CADM2: variants seen among roughly 807,000 people sequenced by gnomAD.
CADM2 encodes immunoglobulin superfamily member 4D.
In CADM2, 12 loss-of-function variants were observed where a neutral mutation model predicts 49.8. The observed-to-expected ratio is 0.24, with a 90% CI of 0.15 to 0.39. CADM2 has a LOEUF of 0.39. CADM2 is among the 10% of genes least tolerant of loss of function. The pLI is 1.00. For missense variants in CADM2, 378 were observed against 492.3 expected, an observed-to-expected ratio of 0.77 and a Z score of 2.20; for synonymous variants, 214 against 175.4, an observed-to-expected ratio of 1.22 and a Z score of -1.74.
At chr3:85,117,095 C>T (rs1013546273) in intron 1 of CADM2, among the ~76,000 whole-genome samples, 3 of 152,018 alleles carry the variant, frequency 2.0e-5, no homozygotes, top group Non-Finnish European at 4.4e-5. Flanking sequence ...GTGGCACACG[C>T]CTGTAATCCC....
At chr3:85,406,739 C>T (rs1165301982) in intron 1 of CADM2, among the ~76,000 whole-genome samples, 1 of 152,038 alleles carries the variant, frequency 6.6e-6, no homozygotes, top group Non-Finnish European at 1.5e-5. Flanking sequence ...ACAAAACTTG[C>T]CAATTTCACC....
At chr3:85,465,191 A>G (rs2038436929) in intron 1 of CADM2, among the ~76,000 whole-genome samples, 2 of 152,086 alleles carry the variant, frequency 1.3e-5, no homozygotes, top group African/African-American at 4.8e-5. Flanking sequence ...AAACAAACAA[A>G]CAAAAAACAT....
At chr3:85,009,187 A>G (rs1386083707) in intron 1 of CADM2, among the ~76,000 whole-genome samples, 4 of 152,206 alleles carry the variant, frequency 2.6e-5, no homozygotes, top group Non-Finnish European at 4.4e-5. Flanking sequence ...CTTCTAGCAT[A>G]TGATGCTTGT....
intron 1 of CADM2, among the ~76,000 whole-genome samples, chr3:85,306,260 T>C (rs2044210144): frequency 6.6e-6 from 1 of 151,716 alleles, no homozygotes; most frequent in African/African-American, 2.4e-5. Context: ...GATTTAGTCC[T>C]GCTTTAAATA....
chr3:85,560,210 GAGGGGATTACAGTT>G (rs1488299392), intron 1 of CADM2, among the ~76,000 whole-genome samples: 1 of 152,188 alleles, frequency 6.6e-6, no homozygotes, highest in Non-Finnish European at 1.5e-5. Flanking sequence ...GGTGAACCAT[GAGGGGATTACAGTT>G]TTATCAACAG....
intron 1 of CADM2, among the ~76,000 whole-genome samples, chr3:85,027,331 G>T (rs2034781067): frequency 6.6e-6 from 1 of 151,634 alleles, no homozygotes. Context: ...AGCCAGGATG[G>T]TCTCAATCTC....
chr3:85,513,191 A>G (rs550579295), intron 1 of CADM2, among the ~76,000 whole-genome samples: 1 of 152,162 alleles, frequency 6.6e-6, no homozygotes, highest in South Asian at 2.1e-4. Flanking sequence ...TCTATCCAGT[A>G]TAGGCAGGCA....
rs184061180 is a variant in CADM2 at position 85,215,553 on chromosome 3, G to T, written c.61+255885G>T. Among the ~76,000 whole-genome samples the T allele has an allele frequency of 1.8e-3, 271 of 151,908 alleles. 1 individual carries two copies. Among genetic ancestry groups the T allele is most frequent in the African/African-American group, 6.3e-3 (260 of 41,430 alleles). On this transcript the variant is annotated intron_variant, in intron 1 of 9. Transcript: ENST00000383699. ...TGTGTTTTCTGGGGTTGGCGGAGAG[G>T]TAACACAAGCACTCCCTTAACCACC...
intron 1 of CADM2, among the ~76,000 whole-genome samples, chr3:85,402,160 T>A (rs1156614130): frequency 6.6e-6 from 1 of 152,028 alleles, no homozygotes; most frequent in African/African-American, 2.4e-5. Context: ...TTTACATAGA[T>A]TTAAAACAAT....
intron 1 of CADM2, among the ~76,000 whole-genome samples, chr3:85,003,037 C>A (rs1474630830): frequency 6.6e-6 from 1 of 152,118 alleles, no homozygotes; most frequent in East Asian, 1.9e-4. Flanking sequence ...CTCAAGCAAT[C>A]CTTCTGCCTC....
chr3:85,895,129 A>T (rs899872881), intron 5 of CADM2, among the ~76,000 whole-genome samples: 1 of 152,150 alleles, frequency 6.6e-6, no homozygotes, highest in Admixed American at 6.5e-5. Context: ...AGCTGCAGAC[A>T]CTCACGCCTG....
chr3:85,498,682 A>G (rs1488174855), intron 1 of CADM2, among the ~76,000 whole-genome samples: 1 of 152,174 alleles, frequency 6.6e-6, no homozygotes, highest in Non-Finnish European at 1.5e-5. Context: ...TATTAAATAA[A>G]ATGGATTTAA....
chr3:85,203,102 G>C (rs922696900), intron 1 of CADM2, among the ~76,000 whole-genome samples: 1 of 152,096 alleles, frequency 6.6e-6, no homozygotes, highest in Non-Finnish European at 1.5e-5. Context: ...ACTCAAGCTG[G>C]AGCTCTTTCT....
intron 3 of CADM2, among the ~76,000 whole-genome samples, chr3:85,882,698 GA>G (rs1302042048): frequency 6.6e-6 from 1 of 152,174 alleles, no homozygotes; most frequent in Non-Finnish European, 1.5e-5. Context: ...TCTTGTGATA[GA>G]AAAGGTGATT....
chr3:85,234,141 A>G (rs2107819824), intron 1 of CADM2, among the ~76,000 whole-genome samples: 1 of 152,172 alleles, frequency 6.6e-6, no homozygotes, highest in East Asian at 1.9e-4. Context: ...ATAGATGGTA[A>G]ATTGTGAAGC....
intron 8 of CADM2, among the ~76,000 whole-genome samples, chr3:86,002,945 G>A (rs1730362506): frequency 6.6e-6 from 1 of 152,072 alleles, no homozygotes; most frequent in South Asian, 2.1e-4. Context: ...GAAAACAATA[G>A]GCTTAAAGCA....
At chr3:85,839,068 G>A (rs2074526778) in intron 3 of CADM2, among the ~76,000 whole-genome samples, 1 of 151,788 alleles carries the variant, frequency 6.6e-6, no homozygotes, top group East Asian at 1.9e-4. Context: ...AAATTTGAGA[G>A]CCTTGGTTTA....
At chr3:85,642,816 A>G (rs1205491850) in intron 1 of CADM2, among the ~76,000 whole-genome samples, 1 of 152,208 alleles carries the variant, frequency 6.6e-6, no homozygotes, top group Non-Finnish European at 1.5e-5. Flanking sequence ...TGACAAAGAC[A>G]GAAGAAACCT....
intron 1 of CADM2, among the ~76,000 whole-genome samples, chr3:85,673,553 T>TA (rs1267783400): frequency 4.0e-5 from 6 of 149,968 alleles, no homozygotes; most frequent in Non-Finnish European, 7.4e-5. Flanking sequence ...GGGAAGTACC[T>TA]AAAAAAACAC....
Sources: gnomAD v4.1 joint callset for allele counts (sites outside exome capture counted in the v4.1 genomes callset) on GRCh38, gnomAD v4.1.1 for gene constraint, MANE v1.5 for transcripts, NCBI Gene and HGNC (gene_info 2026-07-23, HGNC 2026-07-21) for gene names.